RFX3: variants seen among roughly 807,000 people sequenced by gnomAD.
RFX3 encodes regulatory factor X3, also known as transcription factor RFX3.
In RFX3, 14 loss-of-function variants were observed where a neutral mutation model predicts 98.6. The observed-to-expected ratio is 0.14, with a 90% confidence interval of 0.09 to 0.22. The LOEUF (loss-of-function observed/expected upper bound fraction) is 0.22, where lower values mean the gene tolerates loss of function less well. Ranked by LOEUF, RFX3 falls within the 10% of genes least tolerant of loss-of-function variation. RFX3 has a pLI of 1.00. For synonymous variants in RFX3, 383 were observed against 328.4 expected (o/e 1.17, Z -1.80); for missense variants, 639 against 926.9 (o/e 0.69, Z 4.03).
At chr9:3,460,163 G>A (rs1032909375) in intron 1 of RFX3, among the ~76,000 whole-genome samples, 1 of 152,000 alleles carries the variant, frequency 6.6e-6, no homozygotes, top group African/African-American at 2.4e-5. Flanking sequence ...AAATTCATCA[G>A]CTTTATTGTA....
At chr9:3,499,890 A>T (rs1054188910) in intron 1 of RFX3, among the ~76,000 whole-genome samples, 1 of 152,084 alleles carries the variant, frequency 6.6e-6, no homozygotes, top group East Asian at 1.9e-4. Flanking sequence ...TTTTCTCTAC[A>T]TTCTTGGAAC....
intron 7 of RFX3, among the ~76,000 whole-genome samples, chr9:3,286,665 C>T (rs1440485557): frequency 1.3e-5 from 2 of 151,900 alleles, no homozygotes; most frequent in African/African-American, 2.4e-5. Context: ...AGCTTCAAAG[C>T]TATGTTCTGC....
chr9:3,292,920 T>C (rs1182287168), intron 6 of RFX3, among the ~76,000 whole-genome samples, 157 bp downstream of exon 6: 2 of 152,202 alleles, frequency 1.3e-5, no homozygotes, highest in African/African-American at 2.4e-5. Context: ...CACTGAATAA[T>C]GTCCTTTCCT....
chr9:3,348,816 C>G (rs2991323), intron 2 of RFX3, among the ~76,000 whole-genome samples: 1 of 151,850 alleles, frequency 6.6e-6, no homozygotes, highest in South Asian at 2.1e-4. Flanking sequence ...CCAATGGTAG[C>G]CTCTTCTAAC....
At chr9:3,513,437 G>C (rs1358412660) in intron 1 of RFX3, among the ~76,000 whole-genome samples, 1 of 152,084 alleles carries the variant, frequency 6.6e-6, no homozygotes, top group African/African-American at 2.4e-5. Context: ...CATTCCTTCA[G>C]ATTAAGGTGT....
At chr9:3,253,354 C>T (rs1343328877) in intron 14 of RFX3, among the ~76,000 whole-genome samples, 1 of 152,102 alleles carries the variant, frequency 6.6e-6, no homozygotes, top group Non-Finnish European at 1.5e-5. Context: ...CATATATTGT[C>T]CAGTTGTAGG....
intron 2 of RFX3, among the ~76,000 whole-genome samples, chr9:3,356,971 A>ACG (rs946328936): frequency 3.5e-5 from 5 of 142,056 alleles, no homozygotes; most frequent in African/African-American, 5.9e-5. Flanking sequence ...ATGCACACAC[A>ACG]CGCACACACA....
chr9:3,320,389 C>T (rs1309944759), intron 4 of RFX3, among the ~76,000 whole-genome samples: 1 of 151,734 alleles, frequency 6.6e-6, no homozygotes, highest in Non-Finnish European at 1.5e-5. Flanking sequence ...CCCATGTCTA[C>T]CAAAAATTAC....
chr9:3,491,420 T>C (rs1458697749), intron 1 of RFX3, among the ~76,000 whole-genome samples: 3 of 152,206 alleles, frequency 2.0e-5, no homozygotes, highest in Admixed American at 6.5e-5. Context: ...AGGCCTTATA[T>C]GTTATTAACT....
chr9:3,254,916 A>T (rs1257353974), intron 14 of RFX3, among the ~76,000 whole-genome samples: 1 of 152,214 alleles, frequency 6.6e-6, no homozygotes, highest in Non-Finnish European at 1.5e-5. Context: ...TCACAGAGCC[A>T]GACAACACCT....
At chr9:3,351,198 G>T (rs1027407382) in intron 2 of RFX3, among the ~76,000 whole-genome samples, 36 of 150,986 alleles carry the variant, frequency 2.4e-4, no homozygotes, top group African/African-American at 7.5e-4. Context: ...TGAAGCGAGG[G>T]GTTTTATGGA....
At chr9:3,245,645 G>A (rs191303540) in intron 15 of RFX3, among the ~76,000 whole-genome samples, 73 of 152,232 alleles carry the variant, frequency 4.8e-4, no homozygotes, top group African/African-American at 1.4e-3. Context: ...GGATCGTGGC[G>A]CCATTTACTG....
intron 3 of RFX3, chr9:3,344,691 A>T: frequency 1.7e-6 from 1 of 601,426 alleles, no homozygotes; most frequent in South Asian, 2.1e-5. Flanking sequence ...GCCCATTACT[A>T]CTTGTCACAG....
chr9:3,458,004 G>C (rs1847347152), intron 1 of RFX3, among the ~76,000 whole-genome samples: 1 of 152,074 alleles, frequency 6.6e-6, no homozygotes, highest in Non-Finnish European at 1.5e-5. Flanking sequence ...TCTTCATCAA[G>C]GAAATGACAT....
Position 3,525,811 on chromosome 9 carries a change from G to A in RFX3, c.-73C>T, listed in dbSNP as rs891443144. On this transcript the variant is annotated 5_prime_UTR_variant, in exon 1 of 17. Coordinates refer to ENST00000617270, the MANE Select transcript of RFX3 (RefSeq NM_001282116.2). ...GAGATGGTGGTGGTGGGGAGGAGGA[G>A]GAGGAAGAGGAGGAGGAGGAGGAGA... is the stretch of plus-strand genomic sequence containing the variant. The A allele has an allele frequency of 1.4e-5, 11 of 783,714 alleles. No individual in the cohort carries two copies. Among genetic ancestry groups the A allele is most frequent in the African/African-American group, 1.9e-5 (1 of 53,064 alleles). 48.5% of individuals were successfully genotyped at this position (783,714 alleles called of 1,614,324 possible).
At chr9:3,360,671 A>G (rs1836318349) in intron 2 of RFX3, among the ~76,000 whole-genome samples, 1 of 152,152 alleles carries the variant, frequency 6.6e-6, no homozygotes, top group Non-Finnish European at 1.5e-5. Context: ...TTACAAATAC[A>G]TTTGCTAATT....
chr9:3,504,496 T>C (rs1816521202), intron 1 of RFX3, among the ~76,000 whole-genome samples: 1 of 126,404 alleles, frequency 7.9e-6, no homozygotes, highest in Non-Finnish European at 1.6e-5. Context: ...ATATATTATA[T>C]GCCATATGGT....
At chr9:3,517,157 G>T (rs146182642) in intron 1 of RFX3, among the ~76,000 whole-genome samples, 1 of 152,290 alleles carries the variant, frequency 6.6e-6, no homozygotes, top group East Asian at 1.9e-4. Context: ...CCCTTTCCCA[G>T]TGTCAATCTT....
chr9:3,338,049 G>T (rs1833397053), intron 3 of RFX3, among the ~76,000 whole-genome samples: 1 of 152,128 alleles, frequency 6.6e-6, no homozygotes, highest in Non-Finnish European at 1.5e-5. Context: ...CAGACTGAAG[G>T]CAGAGGATAC....
Sources: gnomAD v4.1 joint callset for allele counts (sites outside exome capture counted in the v4.1 genomes callset) on GRCh38, gnomAD v4.1.1 for gene constraint, MANE v1.5 for transcripts, NCBI Gene and HGNC (gene_info 2026-07-23, HGNC 2026-07-21) for gene names.